The following SH3TC2 variants were observed in gnomAD, a reference collection of about 807,000 sequenced individuals.
The protein encoded by SH3TC2 is SH3 domain and tetratricopeptide repeat-containing protein 2.
SH3TC2 carries 87 observed loss-of-function variants against 124.5 expected under a neutral mutation model. The observed-to-expected ratio is 0.70, with a 90% CI of 0.59 to 0.84. The LOEUF is 0.84. Ranked by LOEUF, SH3TC2 falls within the 40% of genes least tolerant of loss-of-function variation. The pLI is 0.00. For missense variants in SH3TC2, 1,536 were observed against 1,566.4 expected (o/e 0.98, Z 0.33); for synonymous variants, 634 against 628.5 (o/e 1.01, Z -0.13).
chr5:149,031,801 TC>T (rs1219897052), intron 8 of SH3TC2, 114 bp from the exon 9 acceptor site: 1 of 1,400,932 alleles, frequency 7.1e-7, no homozygotes, highest in Non-Finnish European at 9.9e-7. Context: ...CAAACCAACT[TC>T]CCGCAAATGA....
In SH3TC2 at chr5:149,031,649, C is replaced by T. The variant is rs1271507097; in HGVS notation, c.1040G>A (p.Cys347Tyr). ...NSAFLSDEER[C>Y]SLLALGSDKQ... is the part of the protein sequence containing the mutation. ...ATCACTTCCCAGGGCCAACAGGGAG[C>T]ATCTCTCCTCATCACTGAGAAAGGC... The change falls in exon 9 of 17, where the codon TGC becomes TAC. Residue 347 changes from cysteine (C) to tyrosine (Y), a missense_variant. Transcript: ENST00000515425. 3 of 1,614,120 alleles carry T rather than the reference C, an allele frequency of 1.9e-6. No individual in the cohort carries two copies. Among genetic ancestry groups the T allele is most frequent in the South Asian group, 1.1e-5 (1 of 91,080 alleles).
chr5:149,048,537 T>C (rs1754505967), intron 2 of SH3TC2, among the ~76,000 whole-genome samples: 1 of 152,258 alleles, frequency 6.6e-6, no homozygotes, highest in Non-Finnish European at 1.5e-5. Flanking sequence ...TCAGGGTAAT[T>C]AGTTAATGTA....
At chr5:149,057,993 A>C (rs1754680615) in intron 1 of SH3TC2, among the ~76,000 whole-genome samples, 1 of 152,224 alleles carries the variant, frequency 6.6e-6, no homozygotes, top group African/African-American at 2.4e-5. Flanking sequence ...GAAGCTATGA[A>C]TATGACAGCC....
At chr5:149,050,343 C>A (rs997949670) in intron 2 of SH3TC2, among the ~76,000 whole-genome samples, 1 of 152,182 alleles carries the variant, frequency 6.6e-6, no homozygotes, top group African/African-American at 2.4e-5. Flanking sequence ...ATATGTCTGA[C>A]TGATTCTGTC....
chr5:149,008,684 G>T, intron 15 of SH3TC2, 167 bp downstream of exon 15: 1 of 886,330 alleles, frequency 1.1e-6, no homozygotes, highest in Non-Finnish European at 1.8e-6. Context: ...CAAGCTTGAG[G>T]CTTATAGAAG....
chr5:149,034,723 A>C, intron 8 of SH3TC2, among the ~76,000 whole-genome samples: 1 of 152,184 alleles, frequency 6.6e-6, no homozygotes, highest in South Asian at 2.1e-4. Context: ...AAAGTAGACA[A>C]AAATAATCAA....
chr5:149,051,742 T>A (rs80143168), intron 2 of SH3TC2, among the ~76,000 whole-genome samples: 2,727 of 152,216 alleles, frequency 0.018, 95 homozygotes, highest in African/African-American at 0.063. Context: ...GTGAGAGCCA[T>A]CACGTGCAGC....
At chr5:149,032,775 A>G (rs1306778281) in intron 8 of SH3TC2, among the ~76,000 whole-genome samples, 2 of 152,180 alleles carry the variant, frequency 1.3e-5, no homozygotes, top group Non-Finnish European at 2.9e-5. Context: ...TACTGTAATC[A>G]GCCATTACCA....
rs1288157469 is a variant in SH3TC2 at position 149,001,766 on chromosome 5, C to T, written c.*2945G>A. 1.3e-5 allele frequency: 2 copies of T among 152,078 alleles called. No homozygotes were observed. The highest frequency in any genetic ancestry group is 2.9e-5 in the Non-Finnish European group (2 of 68,028). The allele number at this position is 152,078 out of a possible 1,614,324, so 9.4% of individuals were successfully genotyped here. On this transcript the variant is annotated 3_prime_UTR_variant, in exon 17 of 17. Transcript: ENST00000515425. ...CTGACCTGGTTATGGGTAAATTCAT[C>T]AGATTTATAGGTAAATCAAAGTGCA...
At chr5:149,041,203 A>G (rs749508951) in intron 6 of SH3TC2, among the ~76,000 whole-genome samples, 1 of 152,246 alleles carries the variant, frequency 6.6e-6, no homozygotes, top group Admixed American at 6.5e-5. Flanking sequence ...TACAATGCCC[A>G]TCTGAAATTT....
chr5:149,011,356 A>G (rs1416954118), intron 13 of SH3TC2, among the ~76,000 whole-genome samples: 1 of 152,216 alleles, frequency 6.6e-6, no homozygotes, highest in Non-Finnish European at 1.5e-5. Context: ...ACAATGCACA[A>G]TCGGAACAGT....
Position 149,035,653 on chromosome 5 carries a change from C to G in SH3TC2, c.1001+2642G>C, listed in dbSNP as rs143230949. 6.6e-3 allele frequency: 1,012 copies of G among 152,442 alleles called. 5 individuals carry two copies. Among genetic ancestry groups the G allele is most frequent in the Non-Finnish European group, 9.2e-3 (625 of 68,070 alleles). 9.4% of individuals were successfully genotyped at this position (152,442 alleles called of 1,614,324 possible). On this transcript the variant is annotated intron_variant, in intron 8 of 16. Coordinates refer to ENST00000515425, the MANE Select transcript of SH3TC2 (RefSeq NM_024577.4). ...TTCCCCTCTTCTCCTTGTGCCACCC[C>G]TCCCTGTTTTCTGACTCATTTTCCC...
chr5:149,030,215 C>G (rs1192238364), intron 9 of SH3TC2, among the ~76,000 whole-genome samples: 1 of 152,170 alleles, frequency 6.6e-6, no homozygotes, highest in African/African-American at 2.4e-5. Flanking sequence ...TGTCCCCTCT[C>G]TAGGAGGAAG....
intron 7 of SH3TC2, 47 bp from the exon 8 acceptor site, chr5:149,038,537 G>A (rs1396143842): frequency 8.2e-6 from 13 of 1,588,440 alleles, no homozygotes; most frequent in Admixed American, 3.3e-5. Context: ...ATGAACAGCT[G>A]AGCCTCCCAT....
intron 2 of SH3TC2, among the ~76,000 whole-genome samples, chr5:149,049,967 C>T (rs779362723): frequency 2.0e-5 from 3 of 152,176 alleles, no homozygotes; most frequent in African/African-American, 4.8e-5. Flanking sequence ...TTAACCTTGG[C>T]AATAACTGAT....
intron 8 of SH3TC2, among the ~76,000 whole-genome samples, chr5:149,034,119 G>A (rs1343842836): frequency 6.6e-6 from 1 of 151,988 alleles, no homozygotes; most frequent in Non-Finnish European, 1.5e-5. Context: ...AAAAATAGAA[G>A]CTACAATGAA....
chr5:148,987,839 G>C lies in SH3TC2; in HGVS notation c.*16872C>G, dbSNP rs1345092564. The stretch of plus-strand genomic sequence containing the variant: ...TGTGTGTGTGTGTGTGTGTGTGTGT[G>C]TGTGTGTGTGTGTGTGTTCTTTAGA... On this transcript the variant is annotated 3_prime_UTR_variant, in exon 17 of 17. Coordinates refer to ENST00000515425, the MANE Select transcript of SH3TC2 (RefSeq NM_024577.4). Among the ~76,000 whole-genome samples the C allele has an allele frequency of 6.6e-6, 1 of 151,500 alleles. No homozygotes were observed. The highest frequency in any genetic ancestry group is 1.5e-5 in the Non-Finnish European group (1 of 67,872).
rs973372225 is a variant in SH3TC2 at position 148,988,657 on chromosome 5, T to A, written c.*16054A>T. 1.4e-4 allele frequency among the ~76,000 whole-genome samples: 21 copies of A among 152,320 alleles called. No individual in the cohort carries two copies. Among genetic ancestry groups the A allele is most frequent in the Admixed American group, 1.3e-3 (20 of 15,300 alleles). ...AGCCCCGTGAGGAAGCCATCTTCGA[T>A]GCCCAGCCCAGAGGAGCCTTTGATG... On this transcript the variant is annotated 3_prime_UTR_variant, in exon 17 of 17. Coordinates refer to ENST00000515425, the MANE Select transcript of SH3TC2 (RefSeq NM_024577.4).
intron 3 of SH3TC2, 73 bp from the exon 4 acceptor site, chr5:149,044,711 A>C: frequency 9.2e-7 from 1 of 1,092,246 alleles, no homozygotes; most frequent in South Asian, 1.3e-5. Flanking sequence ...TATAGACCAA[A>C]TACTCTGTAT....
Sources: gnomAD v4.1 joint callset for allele counts (sites outside exome capture counted in the v4.1 genomes callset) on GRCh38, gnomAD v4.1.1 for gene constraint, MANE v1.5 for transcripts, NCBI Gene and HGNC (gene_info 2026-07-23, HGNC 2026-07-21) for gene names.